The following PCDHGB5 variants were observed in gnomAD, a reference collection of about 807,000 sequenced individuals.
The protein encoded by PCDHGB5 is protocadherin gamma-B5.
In PCDHGB5, 48 loss-of-function variants were observed where a neutral mutation model predicts 62.9. The ratio of observed to expected loss-of-function variants is 0.76; its 90% confidence interval spans 0.61 to 0.97. PCDHGB5 has a LOEUF of 0.97. Ranked by LOEUF, PCDHGB5 falls within the 50% of genes least tolerant of loss-of-function variation. The pLI, the probability that PCDHGB5 is intolerant of heterozygous loss-of-function variation, is 0.00. For missense variants in PCDHGB5, 1,118 were observed against 1,198.6 expected (o/e 0.93, Z 0.99); for synonymous variants, 474 against 511.2 (o/e 0.93, Z 0.98).
Position 141,489,089 on chromosome 5 carries a change from A to G in PCDHGB5, c.2398-5718A>G. 5.6e-5 allele frequency: 16 copies of G among 284,404 alleles called. No individual in the cohort carries two copies. The highest frequency in any genetic ancestry group is 9.0e-5 in the Non-Finnish European group (14 of 156,416). The allele number at this position is 284,404 out of a possible 1,614,324, so 17.6% of individuals were successfully genotyped here. On this transcript the variant is annotated intron_variant, in intron 1 of 3. Coordinates refer to ENST00000617380, the MANE Select transcript of PCDHGB5 (RefSeq NM_018925.3). The surrounding 1 kb of genome is among the most constrained non-coding windows in gnomAD (Gnocchi z 4.5). ...CCCTGCCCACCCCCGCCACTCGGTG[A>G]CTAAGAACTGCTGCAAGCAGGCAAA...
At chr5:141,404,068 T>C (rs2094481501) in intron 1 of PCDHGB5, 3 of 1,613,782 alleles carry the variant, frequency 1.9e-6, no homozygotes, top group Non-Finnish European at 2.5e-6. Flanking sequence ...TCAATGCTCA[T>C]GACCGAGACT....
chr5:141,423,065 G>C, intron 1 of PCDHGB5: 1 of 1,614,138 alleles, frequency 6.2e-7, no homozygotes, highest in Non-Finnish European at 8.5e-7. Flanking sequence ...CTTAAGGCCA[G>C]CGAGCCGGGA....
chr5:141,402,855 T>G, intron 1 of PCDHGB5: 1 of 1,425,070 alleles, frequency 7.0e-7, no homozygotes, highest in Non-Finnish European at 9.2e-7. Flanking sequence ...CTCTTTCTTC[T>G]AAGGAAAAGA....
intron 1 of PCDHGB5, among the ~76,000 whole-genome samples, chr5:141,460,912 G>GTGTATA (rs145509489): frequency 0.032 from 4,842 of 149,286 alleles, 90 homozygotes; most frequent in Middle Eastern, 0.083. Flanking sequence ...ATTCCATGGT[G>GTGTATA]TATATATATA....
At chr5:141,460,465 AAAGG>A (rs2098989932) in intron 1 of PCDHGB5, among the ~76,000 whole-genome samples, 1 of 152,088 alleles carries the variant, frequency 6.6e-6, no homozygotes, top group Non-Finnish European at 1.5e-5. Context: ...ATTTTTTTCC[AAAGG>A]AATATCCAAT....
Position 141,431,663 on chromosome 5 carries a change from T to G in PCDHGB5, c.2397+31139T>G, listed in dbSNP as rs2097405149. ...ACTAGATTGTAATTCAGGGACAATA[T>G]CAACAATAGGGGAGTTGGACCACGA... On this transcript the variant is annotated intron_variant, in intron 1 of 3. Coordinates refer to ENST00000617380, the MANE Select transcript of PCDHGB5 (RefSeq NM_018925.3). The surrounding 1 kb of genome is among the most constrained non-coding windows in gnomAD (Gnocchi z 4.8). The G allele has an allele frequency of 6.2e-7, 1 of 1,614,168 alleles. No individual in the cohort carries two copies.
In PCDHGB5 at chr5:141,505,414, C is replaced by T. The variant is rs373956550; in HGVS notation, c.2478C>T (p.Thr826=). The T allele has an allele frequency of 3.0e-5, 48 of 1,614,046 alleles. No homozygotes were observed. In the African/African-American group the frequency reaches 3.1e-4, roughly 10 times the overall value. The change falls in exon 3 of 4, where the codon ACC becomes ACT. Residue 826 remains threonine (T), a synonymous_variant. Transcript: ENST00000617380. ...CCAGCTCCCAAAATGGCGATGACACCGGCACCTGGCCCAACAACCAGTTTG... is the reference window on the plus strand; with the variant it reads ...CCAGCTCCCAAAATGGCGATGACACTGGCACCTGGCCCAACAACCAGTTTG... ...GTSGSQNGDD[T]GTWPNNQFDT...
intron 1 of PCDHGB5, chr5:141,420,367 T>C: frequency 7.3e-7 from 1 of 1,360,684 alleles, no homozygotes; most frequent in Non-Finnish European, 9.7e-7. Flanking sequence ...CTAGATAACT[T>C]CTTCATAGAG....
chr5:141,494,510 C>T (rs1462702765), intron 1 of PCDHGB5, among the ~76,000 whole-genome samples: 1 of 152,156 alleles, frequency 6.6e-6, no homozygotes, highest in Non-Finnish European at 1.5e-5. Context: ...TGAATTTTGG[C>T]TCAGGAGTTC....
Position 141,485,395 on chromosome 5 carries a change from C to T in PCDHGB5, c.2398-9412C>T. On this transcript the variant is annotated intron_variant, in intron 1 of 3. Coordinates refer to ENST00000617380, the MANE Select transcript of PCDHGB5 (RefSeq NM_018925.3). The surrounding 1 kb of genome is among the most constrained non-coding windows in gnomAD (Gnocchi z 5.7). Reference sequence around the variant, plus strand: ...TCGCTGGAGAGGTGAACCAAAGACACTTCCGTGTGGATTTGGACAGCGGAG... The same window carrying T: ...TCGCTGGAGAGGTGAACCAAAGACATTTCCGTGTGGATTTGGACAGCGGAG... 5 of 1,614,154 alleles carry T rather than the reference C, an allele frequency of 3.1e-6. No homozygotes were observed. Among genetic ancestry groups the T allele is most frequent in the Non-Finnish European group, 3.4e-6 (4 of 1,180,026 alleles).
chr5:141,427,960 G>A, intron 1 of PCDHGB5: 2 of 1,589,168 alleles, frequency 1.3e-6, no homozygotes, highest in East Asian at 2.2e-5. Context: ...AATGTGCCGC[G>A]GGTGCTGTAC....
chr5:141,408,729 C>T (rs767933076), intron 1 of PCDHGB5: 9 of 1,610,240 alleles, frequency 5.6e-6, no homozygotes, highest in Non-Finnish European at 7.6e-6. Flanking sequence ...AACTCTAATC[C>T]TTATTTTTCA....
chr5:141,461,286 C>T (rs2099012487), intron 1 of PCDHGB5, among the ~76,000 whole-genome samples: 1 of 152,144 alleles, frequency 6.6e-6, no homozygotes, highest in Admixed American at 6.6e-5. Context: ...TTCCCCACAT[C>T]CACACCAACA....
chr5:141,403,033 G>T (rs764461706), intron 1 of PCDHGB5: 1 of 1,614,056 alleles, frequency 6.2e-7, no homozygotes, highest in Non-Finnish European at 8.5e-7. Flanking sequence ...GGGAGGCCAG[G>T]GCCAGTCAGA....
chr5:141,418,397 T>C (rs764404369), intron 1 of PCDHGB5: 9 of 1,613,838 alleles, frequency 5.6e-6, no homozygotes, highest in South Asian at 3.3e-5. Context: ...GTATTTCTCA[T>C]TGGTGGAGAA....
intron 1 of PCDHGB5, among the ~76,000 whole-genome samples, chr5:141,437,036 G>A (rs916860661): frequency 6.6e-6 from 1 of 152,294 alleles, no homozygotes; most frequent in Middle Eastern, 3.4e-3. Flanking sequence ...ATGGATCACC[G>A]AAACCAGAAG....
At chr5:141,421,474 G>T (rs1320526226) in intron 1 of PCDHGB5, 3 of 1,614,014 alleles carry the variant, frequency 1.9e-6, no homozygotes, top group African/African-American at 2.7e-5. Flanking sequence ...TCCGCGAAGC[G>T]GCAGCTTGAT....
In PCDHGB5 at chr5:141,489,504, A is replaced by G. The variant is rs148241772; in HGVS notation, c.2398-5303A>G. 193 of 1,614,016 alleles carry G rather than the reference A, an allele frequency of 1.2e-4. No individual in the cohort carries two copies. Among genetic ancestry groups the G allele is most frequent in the Non-Finnish European group, 1.6e-4 (184 of 1,180,046 alleles). On this transcript the variant is annotated intron_variant, in intron 1 of 3. Transcript: ENST00000617380. The surrounding 1 kb of genome is among the most constrained non-coding windows in gnomAD (Gnocchi z 4.5). ...TGAGTGGTGCCCTGGCAGTGAATCA[A>G]AAGATTGACCGAGAAAGCCTATGTG...
rs371319055 is a variant in PCDHGB5 at position 141,399,494 on chromosome 5, G to C, written c.1367G>C (p.Ser456Thr). 328 of 1,614,032 alleles carry C rather than the reference G, an allele frequency of 2.0e-4. 1 individual carries two copies. The highest frequency in any genetic ancestry group is 1.7e-3 in the South Asian group (152 of 91,086). ...TTCCACCAGGCGTCCTACTTAGTCA[G>C]TGTACCCGAAAACAACCCTCCTGGG... is the stretch of plus-strand genomic sequence containing the variant. ...PVFHQASYLVSVPENNPPGAS... is the reference protein window; with the variant it reads ...PVFHQASYLVTVPENNPPGAS... The change falls in exon 1 of 4, where the codon AGT (serine) becomes ACT (threonine). Residue 456 changes from serine (S) to threonine (T), a missense_variant. Physicochemically the swap from Ser to Thr is moderately conservative, Grantham distance 58. Coordinates refer to ENST00000617380, the MANE Select transcript of PCDHGB5 (RefSeq NM_018925.3).
Sources: allele counts gnomAD v4.1 joint callset (sites outside exome capture counted in the v4.1 genomes callset), GRCh38; gene constraint gnomAD v4.1.1; non-coding constraint Gnocchi (gnomAD v3.1); transcripts MANE v1.5; gene names NCBI Gene and HGNC (gene_info 2026-07-23, HGNC 2026-07-21).